NUBP1: variants seen among roughly 807,000 people sequenced by gnomAD.
The protein encoded by NUBP1 is cytosolic Fe-S cluster assembly factor NUBP1.
A neutral mutation model predicts 41.8 loss-of-function variants in NUBP1; 46 were observed. That is an observed-to-expected ratio of 1.10 (90% confidence interval 0.87 to 1.41). The LOEUF is 1.41. NUBP1 is among the 40% of genes most tolerant of loss of function. NUBP1 has a pLI of 0.00. For missense variants in NUBP1, 494 were observed against 414.0 expected (o/e 1.19, Z -1.68); for synonymous variants, 189 against 154.6 (o/e 1.22, Z -1.65).
chr16:10,753,733 G>A (rs1166389448), intron 4 of NUBP1, among the ~76,000 whole-genome samples: 4 of 152,066 alleles, frequency 2.6e-5, no homozygotes, highest in African/African-American at 4.8e-5. Context: ...GGGGCTGAGG[G>A]GTGGTCAAAG....
rs374564279 is a variant in NUBP1 at position 10,757,881 on chromosome 16, A to G, written c.460A>G (p.Lys154Glu). 3 of 1,613,604 alleles carry G rather than the reference A, an allele frequency of 1.9e-6. No homozygotes were observed. The highest frequency in any genetic ancestry group is 2.5e-6 in the Non-Finnish European group (3 of 1,179,678). ...WRGPKKNGMI[K>E]QFLRDVDWGE... is the part of the protein sequence containing the mutation. ...TGGATTCCTCTTTCTAGGCATGATC[A>G]AGCAGTTCCTCCGAGATGTGGACTG... Residue 154 changes from lysine to glutamate, a missense_variant, in exon 7 of 11, where the codon AAG becomes GAG. Coordinates refer to ENST00000283027, the MANE Select transcript of NUBP1 (RefSeq NM_002484.4). The surrounding 1 kb of genome is among the most constrained non-coding windows in gnomAD (Gnocchi z 4.1).
In NUBP1 at chr16:10,769,165, C is replaced by G. The variant is rs2031332551; in HGVS notation, c.*60C>G. On this transcript the variant is annotated 3_prime_UTR_variant, in exon 11 of 11. Transcript: ENST00000283027. ...GCGAGGCACTCACTGGGCAGCACAT[C>G]CAGCCAGACCCGACCAGCTCCGGGA... The G allele has an allele frequency of 6.6e-7, 1 of 1,512,096 alleles. No homozygotes were observed. Among genetic ancestry groups the G allele is most frequent in the Non-Finnish European group, 9.2e-7 (1 of 1,088,924 alleles). 93.7% of individuals were successfully genotyped at this position (1,512,096 alleles called of 1,614,324 possible).
At position 10,756,725 on chromosome 16, in the gene NUBP1, C is replaced by T. The variant is rs1485307173; in HGVS notation, c.396C>T (p.Gly132=). ...ACAACCTGGGGGTGATGTCAGTGGG[C>T]TTCCTGCTCAGCAGTCCTGATGATG... ...VEDNLGVMSV[G]FLLSSPDDAV... The change falls in exon 6 of 11, where the codon GGC becomes GGT. Residue 132 remains glycine, a synonymous_variant. Transcript: ENST00000283027. 2 of 1,577,910 alleles carry T rather than the reference C, an allele frequency of 1.3e-6. No individual in the cohort carries two copies. Among genetic ancestry groups the T allele is most frequent in the African/African-American group, 2.8e-5 (2 of 72,268 alleles).
chr16:10,761,251 C>A, intron 7 of NUBP1, 113 bp from the exon 8 acceptor site: 1 of 957,564 alleles, frequency 1.0e-6, no homozygotes, highest in Non-Finnish European at 1.6e-6. Context: ...GGGCAGAAAC[C>A]TCTAAGGCTT....
chr16:10,768,138 C>A lies in NUBP1; in HGVS notation c.904+106C>A. ...GGTGGGTGGTGGGGTCTGTGATGAC[C>A]ACAGAGTGGCCCCCATAGCCGAGGA... On this transcript the variant is annotated intron_variant, in intron 10 of 10. Transcript: ENST00000283027. The surrounding 1 kb of genome is among the most constrained non-coding windows in gnomAD (Gnocchi z 4.3). The A allele has an allele frequency of 3.0e-6, 3 of 989,266 alleles. No homozygotes were observed. The highest frequency in any genetic ancestry group is 3.1e-6 in the Non-Finnish European group (2 of 642,508). The allele number at this position is 989,266 out of a possible 1,614,324, so 61.3% of individuals were successfully genotyped here. A position where few individuals can be genotyped will look rare whatever the true frequency, so the allele number is the denominator to read the frequency against.
At chr16:10,751,068 A>G (rs981244630) in intron 3 of NUBP1, among the ~76,000 whole-genome samples, 2 of 152,212 alleles carry the variant, frequency 1.3e-5, no homozygotes, top group African/African-American at 4.8e-5. Flanking sequence ...CCATCTGGGT[A>G]GCAGGAGCTT....
chr16:10,753,812 T>C (rs1303524903), intron 4 of NUBP1, among the ~76,000 whole-genome samples: 1 of 152,028 alleles, frequency 6.6e-6, no homozygotes, highest in Non-Finnish European at 1.5e-5. Flanking sequence ...AAGGGCATTC[T>C]GGGCTAAGGG....
chr16:10,748,656 A>T (rs892162597), intron 3 of NUBP1, among the ~76,000 whole-genome samples: 1 of 152,214 alleles, frequency 6.6e-6, no homozygotes, highest in African/African-American at 2.4e-5. Flanking sequence ...CCCGACGAAT[A>T]GTCAATGCTC....
At position 10,765,954 on chromosome 16, in the gene NUBP1, C is replaced by G. The variant is rs553718283; in HGVS notation, c.821-1995C>G. The G allele has an allele frequency of 2.6e-5, 4 of 152,280 alleles. No individual in the cohort carries two copies. Among genetic ancestry groups the G allele is most frequent in the Non-Finnish European group, 5.9e-5 (4 of 68,090 alleles). The allele number at this position is 152,280 out of a possible 1,614,324, so 9.4% of individuals were successfully genotyped here. On this transcript the variant is annotated intron_variant, in intron 9 of 10. Coordinates refer to ENST00000283027, the MANE Select transcript of NUBP1 (RefSeq NM_002484.4). The surrounding 1 kb of genome is among the most constrained non-coding windows in gnomAD (Gnocchi z 4.0). Reference sequence around the variant, plus strand: ...AGGAAGGGGTGGTTAACACTGTCACCCACCCAAGAGGGTGGAGCATGAGGG... The same window carrying G: ...AGGAAGGGGTGGTTAACACTGTCACGCACCCAAGAGGGTGGAGCATGAGGG...
chr16:10,747,216 T>G lies in NUBP1; in HGVS notation c.198T>G (p.Val66=), dbSNP rs769531441. The G allele has an allele frequency of 1.2e-6, 2 of 1,614,208 alleles. No homozygotes were observed. Among genetic ancestry groups the G allele is most frequent in the Non-Finnish European group, 1.7e-6 (2 of 1,180,040 alleles). ...KILVLSGKGG[V]GKSTFSAHLA... The stretch of plus-strand genomic sequence containing the variant: ...TGGTATTGTCTGGGAAAGGCGGTGT[T>G]GGGAAAAGCACATTCAGCGCCCACC... Residue 66 remains valine, a synonymous_variant, in exon 3 of 11, where the codon GTT becomes GTG. Coordinates refer to ENST00000283027, the MANE Select transcript of NUBP1 (RefSeq NM_002484.4).
At chr16:10,754,259 T>C (rs986433748) in intron 4 of NUBP1, among the ~76,000 whole-genome samples, 1 of 152,112 alleles carries the variant, frequency 6.6e-6, no homozygotes, top group Admixed American at 6.5e-5. Flanking sequence ...TTTATTTTAT[T>C]GAGACAGAGT....
rs564409724 is a variant in NUBP1, at chr16:10,761,334, CT to C, written c.607-29del. 343 of 1,599,042 alleles carry C rather than the reference CT, an allele frequency of 2.1e-4. 1 individual carries two copies. The African/African-American group carries it at 4.3e-3, about 20-fold the overall frequency. ...ACATTCCCTTTCTCGCACTTTGATGCTGGAATCACTGGTCTTTTCACCTTCG... is the reference window on the plus strand; with the variant it reads ...ACATTCCCTTTCTCGCACTTTGATGCGGAATCACTGGTCTTTTCACCTTCG... On this transcript the variant is annotated intron_variant, in intron 7 of 10. Coordinates refer to ENST00000283027, the MANE Select transcript of NUBP1 (RefSeq NM_002484.4).
At chr16:10,747,369 C>A in intron 3 of NUBP1, 93 bp downstream of exon 3, 1 of 1,523,720 alleles carries the variant, frequency 6.6e-7, no homozygotes, top group South Asian at 1.2e-5. Flanking sequence ...CGCAGTGGTT[C>A]ATGCCTGTAA....
At chr16:10,755,513 C>T (rs977832444) in intron 4 of NUBP1, among the ~76,000 whole-genome samples, 1 of 152,210 alleles carries the variant, frequency 6.6e-6, no homozygotes, top group Non-Finnish European at 1.5e-5. Flanking sequence ...CCAAATAACC[C>T]AGCTTAGGGC....
Position 10,759,230 on chromosome 16 carries a change from T to C in NUBP1, c.606+1203T>C, listed in dbSNP as rs576519688. 6.6e-6 allele frequency among the ~76,000 whole-genome samples: 1 copy of C among 152,212 alleles called. No individual in the cohort carries two copies. Among genetic ancestry groups the C allele is most frequent in the South Asian group, 2.1e-4 (1 of 4,828 alleles). The stretch of plus-strand genomic sequence containing the variant: ...CCTGTGGCTCCCTGAGGAACACAGG[T>C]GCTGGACACAGGGATGAGGGTACAG... On this transcript the variant is annotated intron_variant, in intron 7 of 10. Transcript: ENST00000283027. The surrounding 1 kb of genome is among the most constrained non-coding windows in gnomAD (Gnocchi z 4.7).
intron 3 of NUBP1, among the ~76,000 whole-genome samples, chr16:10,751,855 A>G (rs975458103): frequency 1.3e-5 from 2 of 152,242 alleles, no homozygotes; most frequent in East Asian, 3.8e-4. Context: ...GGTCCTCCAC[A>G]GCAGGCCCGT....
Position 10,758,060 on chromosome 16 carries a change from A to G in NUBP1, c.606+33A>G, listed in dbSNP as rs767345667. 1.9e-6 allele frequency: 3 copies of G among 1,604,052 alleles called. No individual in the cohort carries two copies. The South Asian group carries it at 3.3e-5, about 18-fold the overall frequency. On this transcript the variant is annotated intron_variant, in intron 7 of 10. Coordinates refer to ENST00000283027, the MANE Select transcript of NUBP1 (RefSeq NM_002484.4). ...AGCTGCCAGCTGGAGCTGGGTCCAA[A>G]CTGTGCTCCACACTGTGAGATTTCT...
chr16:10,757,219 G>A lies in NUBP1; in HGVS notation c.451+439G>A, dbSNP rs1376711307. On this transcript the variant is annotated intron_variant, in intron 6 of 10. Coordinates refer to ENST00000283027, the MANE Select transcript of NUBP1 (RefSeq NM_002484.4). The surrounding 1 kb of genome is among the most constrained non-coding windows in gnomAD (Gnocchi z 4.1). ...GAGAGGCTGAGGCAGGAGAACCCAG[G>A]AGGCGGAGGTTGCAGTGAGCCAAGA... 6.6e-6 allele frequency among the ~76,000 whole-genome samples: 1 copy of A among 152,112 alleles called. No homozygotes were observed.
chr16:10,751,560 C>T (rs967080521), intron 3 of NUBP1, among the ~76,000 whole-genome samples: 21 of 152,206 alleles, frequency 1.4e-4, no homozygotes, highest in African/African-American at 3.6e-4. Flanking sequence ...AAAAGTGACG[C>T]GGAGGTGCAG....
Sources: allele counts gnomAD v4.1 joint callset (sites outside exome capture counted in the v4.1 genomes callset), GRCh38; gene constraint gnomAD v4.1.1; non-coding constraint Gnocchi (gnomAD v3.1); transcripts MANE v1.5; gene names NCBI Gene and HGNC (gene_info 2026-07-23, HGNC 2026-07-21).